TBC1D9B: variants seen among roughly 807,000 people sequenced by gnomAD.
TBC1D9B encodes TBC1 domain family member 9B.
TBC1D9B carries 87 observed loss-of-function variants against 121.1 expected under a neutral mutation model. The observed-to-expected ratio is 0.72, with a 90% CI of 0.60 to 0.86. The LOEUF (loss-of-function observed/expected upper bound fraction) is 0.86. Among genes scored for constraint, TBC1D9B ranks in the 40% least tolerant of loss-of-function variants. The probability of loss-of-function intolerance (pLI) is 0.00; values close to 1 mark genes in which losing one functional copy is unlikely to be tolerated. For synonymous variants in TBC1D9B, 668 were observed against 670.1 expected (o/e 1.00, Z 0.05); for missense variants, 1,540 against 1,628.6 (o/e 0.95, Z 0.94).
intron 17 of TBC1D9B, 108 bp from the exon 18 acceptor site, chr5:179,867,957 C>T: frequency 9.3e-7 from 1 of 1,078,930 alleles, no homozygotes; most frequent in East Asian, 2.6e-5. Flanking sequence ...GCCCACGAGC[C>T]TGGCCAGTCC....
chr5:179,880,692 C>T (rs764892999), intron 7 of TBC1D9B, among the ~76,000 whole-genome samples: 4 of 151,530 alleles, frequency 2.6e-5, no homozygotes, highest in Non-Finnish European at 4.4e-5. Flanking sequence ...CAGTGTATTG[C>T]GTATCAATTT....
In TBC1D9B at chr5:179,865,169, C is replaced by T. The variant is rs751955505; in HGVS notation, c.3021+85G>A. The T allele has an allele frequency of 1.0e-4, 134 of 1,282,614 alleles. No individual in the cohort carries two copies. The highest frequency in any genetic ancestry group is 5.2e-4 in the Admixed American group (30 of 58,056). 79.5% of individuals were successfully genotyped at this position (1,282,614 alleles called of 1,614,324 possible). On this transcript the variant is annotated intron_variant, in intron 20 of 20. Coordinates refer to ENST00000355235, the MANE Select transcript of TBC1D9B (RefSeq NM_015043.4). This position sits in a 1 kb window ranked among gnomAD's most constrained non-coding sequence, Gnocchi z 5.1. The stretch of plus-strand genomic sequence containing the variant: ...GAGCCTTCCCACCCACCAGGAGATG[C>T]TGCAGTGCAGGTGCGGTGATGTTAG...
chr5:179,905,911 G>A (rs1432723821), intron 1 of TBC1D9B, among the ~76,000 whole-genome samples: 3 of 152,002 alleles, frequency 2.0e-5, no homozygotes, highest in Non-Finnish European at 4.4e-5. Context: ...AGATAGTCTC[G>A]CTCTGTCGCC....
In TBC1D9B at chr5:179,899,317, G is replaced by C. The variant is rs778820566; in HGVS notation, c.230-10C>G. The C allele has an allele frequency of 8.1e-6, 13 of 1,608,864 alleles. No homozygotes were observed. The highest frequency in any genetic ancestry group is 1.1e-5 in the Non-Finnish European group (13 of 1,176,692). ...TCTTTGCGGGAAGAACCTAGAAGAG[G>C]TTTGGTAAAGTAAAAGAAAAATCAT... is the stretch of plus-strand genomic sequence containing the variant. On this transcript the variant is annotated splice_polypyrimidine_tract_variant and intron_variant, in intron 2 of 20. Transcript: ENST00000355235.
chr5:179,870,309 G>A lies in TBC1D9B; in HGVS notation c.2671C>T (p.Leu891=), dbSNP rs1445109719. Reference sequence around the variant, plus strand: ...ATCAGCGAGTCCTTGTTTTCGTCCAGGAGCCTGAACATGCGCCCTGCCAGC... The same window carrying A: ...ATCAGCGAGTCCTTGTTTTCGTCCAAGAGCCTGAACATGCGCCCTGCCAGC... ...PLLAGRMFRL[L]DENKDSLINF... The change falls in exon 16 of 21, where the codon CTG becomes TTG. Residue 891 remains leucine (L), a synonymous_variant. Transcript: ENST00000355235. The A allele has an allele frequency of 6.2e-7, 1 of 1,613,942 alleles. No individual in the cohort carries two copies. Among genetic ancestry groups the A allele is most frequent in the South Asian group, 1.1e-5 (1 of 91,084 alleles).
rs1246984574 is a variant in TBC1D9B at position 179,870,319 on chromosome 5, C to T, written c.2661G>A (p.Met887Ile). ...GSHTPLLAGR[M>I]FRLLDENKDS... ...CCTTGTTTTCGTCCAGGAGCCTGAA[C>T]ATGCGCCCTGCCAGCAGAGGTGTGT... Residue 887 changes from methionine to isoleucine, a missense_variant, in exon 16 of 21, where the codon ATG (methionine) becomes ATA (isoleucine). By Grantham distance (10) the Met-to-Ile change is conservative. Coordinates refer to ENST00000355235, the MANE Select transcript of TBC1D9B (RefSeq NM_015043.4). 18 of 1,613,908 alleles carry T rather than the reference C, an allele frequency of 1.1e-5. No homozygotes were observed. Among genetic ancestry groups the T allele is most frequent in the South Asian group, 2.2e-5 (2 of 91,088 alleles).
chr5:179,874,893 G>GCATGTCACCTGCCCAGCATGGT lies in TBC1D9B; in HGVS notation c.2173_2186+8dup. The GCATGTCACCTGCCCAGCATGGT allele has an allele frequency of 6.2e-7, 1 of 1,611,430 alleles. No homozygotes were observed. On this transcript the variant is annotated intron_variant, in intron 12 of 20. Transcript: ENST00000355235. The surrounding 1 kb of genome is among the most constrained non-coding windows in gnomAD (Gnocchi z 4.3). ...AGCCCCCAGCAGGAGAAGGAACCCG[G>GCATGTCACCTGCCCAGCATGGT]CATGTCACCTGCCCAGCATGGTCAT...
chr5:179,888,093 G>A lies in TBC1D9B; in HGVS notation c.1254+10C>T. 3 of 1,613,162 alleles carry A rather than the reference G, an allele frequency of 1.9e-6. No individual in the cohort carries two copies. Among genetic ancestry groups the A allele is most frequent in the Non-Finnish European group, 2.5e-6 (3 of 1,179,960 alleles). ...CAACTCGACCCTGCTGCTCCCAAGG[G>A]GCTTCTCACCTCTGTGCTAGGGTCC... On this transcript the variant is annotated intron_variant, in intron 7 of 20. Transcript: ENST00000355235.
Position 179,875,121 on chromosome 5 carries a change from T to C in TBC1D9B, c.1967A>G (p.Lys656Arg), listed in dbSNP as rs1026748922. 5.6e-6 allele frequency: 9 copies of C among 1,613,880 alleles called. No individual in the cohort carries two copies. The highest frequency in any genetic ancestry group is 6.8e-6 in the Non-Finnish European group (8 of 1,180,032). Residue 656 changes from lysine (K) to arginine (R), a missense_variant, in exon 12 of 21, where the codon AAG becomes AGG. Physicochemically the swap from Lys to Arg is conservative, Grantham distance 26. Coordinates refer to ENST00000355235, the MANE Select transcript of TBC1D9B (RefSeq NM_015043.4). The surrounding 1 kb of genome is among the most constrained non-coding windows in gnomAD (Gnocchi z 4.5). ...TRDFLPQLSE[K>R]MQDLGVISSI... ...GGAGATCACCCCCAGGTCCTGCATC[T>C]TCTCCGAGAGCTGCGGCAGGAAGTC...
At chr5:179,896,615 C>A (rs975417688) in intron 3 of TBC1D9B, among the ~76,000 whole-genome samples, 1 of 152,020 alleles carries the variant, frequency 6.6e-6, no homozygotes, top group African/African-American at 2.4e-5. Flanking sequence ...CTCTGCCTCC[C>A]GGGTTCAAGC....
Position 179,863,894 on chromosome 5 carries a change from C to T in TBC1D9B, c.3256G>A (p.Ala1086Thr), listed in dbSNP as rs769727219. The T allele has an allele frequency of 1.2e-6, 2 of 1,613,234 alleles. No individual in the cohort carries two copies. Among genetic ancestry groups the T allele is most frequent in the Non-Finnish European group, 1.7e-6 (2 of 1,179,544 alleles). ...QDAARELQPP[A>T]AGDPQAKAGG... ...GCTTTGGCTTGGGGGTCTCCTGCAGCTGGGGGCTGAAGCTCCCTGGCTGCG... is the reference window on the plus strand; with the variant it reads ...GCTTTGGCTTGGGGGTCTCCTGCAGTTGGGGGCTGAAGCTCCCTGGCTGCG... Residue 1086 changes from alanine to threonine, a missense_variant, in exon 21 of 21, where the codon GCT becomes ACT. Physicochemically the swap from Ala to Thr is moderately conservative, Grantham distance 58. Transcript: ENST00000355235. This position sits in a 1 kb window ranked among gnomAD's most constrained non-coding sequence, Gnocchi z 4.5.
chr5:179,881,089 C>T (rs984006802), intron 7 of TBC1D9B, among the ~76,000 whole-genome samples: 1 of 152,202 alleles, frequency 6.6e-6, no homozygotes, highest in South Asian at 2.1e-4. Flanking sequence ...GGGTGTGTGG[C>T]GTGCAGCCAA....
At chr5:179,877,829 T>C (rs1760404323) in intron 10 of TBC1D9B, among the ~76,000 whole-genome samples, 1 of 152,216 alleles carries the variant, frequency 6.6e-6, no homozygotes, top group South Asian at 2.1e-4. Context: ...TACTGTGTTA[T>C]TTCACTTATA....
At chr5:179,900,116 A>G (rs141807414) in intron 2 of TBC1D9B, among the ~76,000 whole-genome samples, 66 of 152,260 alleles carry the variant, frequency 4.3e-4, no homozygotes, top group African/African-American at 1.4e-3. Context: ...GCCACTCAGG[A>G]TGCTGAGGTG....
intron 13 of TBC1D9B, 42 bp from the exon 14 acceptor site, chr5:179,873,032 G>A: frequency 6.2e-7 from 1 of 1,613,764 alleles, no homozygotes; most frequent in Non-Finnish European, 8.5e-7. Context: ...CCAACTGCAG[G>A]GCAGAGGGCC....
intron 7 of TBC1D9B, among the ~76,000 whole-genome samples, chr5:179,881,012 G>A (rs10054440): frequency 0.019 from 2,927 of 152,252 alleles, 62 homozygotes; most frequent in African/African-American, 0.06. Context: ...CAGGGAAGGA[G>A]CCACACCGCC....
chr5:179,898,372 C>A lies in TBC1D9B; in HGVS notation c.348+817G>T, dbSNP rs755561490. On this transcript the variant is annotated intron_variant, in intron 3 of 20. Transcript: ENST00000355235. The stretch of plus-strand genomic sequence containing the variant: ...GTTTCACTGTGTTAGCCAGGATGGT[C>A]GCGATCTCCTAACCTCGTGATCTGC... 1.4e-4 allele frequency among the ~76,000 whole-genome samples: 21 copies of A among 152,056 alleles called. No homozygotes were observed. In the East Asian group the frequency reaches 3.7e-3, roughly 27 times the overall value.
rs527861013 is a variant in TBC1D9B at position 179,885,588 on chromosome 5, C to G, written c.1254+2515G>C. On this transcript the variant is annotated intron_variant, in intron 7 of 20. Transcript: ENST00000355235. The surrounding 1 kb of genome is among the most constrained non-coding windows in gnomAD (Gnocchi z 4.5). ...TAGGTGACAGAGCAAGACTCTGTCC[C>G]CCCCCCAAAAAAAAAAAGATGGAGG... 8.0e-6 allele frequency among the ~76,000 whole-genome samples: 1 copy of G among 124,858 alleles called. No individual in the cohort carries two copies. Among genetic ancestry groups the G allele is most frequent in the South Asian group, 3.2e-4 (1 of 3,150 alleles). The allele number at this position is 124,858 out of a possible 152,430, so 81.9% of individuals were successfully genotyped here.
Position 179,904,465 on chromosome 5 carries a change from T to G in TBC1D9B, c.229+237A>C, listed in dbSNP as rs1372894632. Among the ~76,000 whole-genome samples the G allele has an allele frequency of 6.6e-6, 1 of 152,076 alleles. No homozygotes were observed. The highest frequency in any genetic ancestry group is 1.5e-5 in the Non-Finnish European group (1 of 67,982). The stretch of plus-strand genomic sequence containing the variant: ...TGGTCTCGATCTCCTGACCTCGTGA[T>G]CAGCCCGCCTCGGCCTCCCAAAGTG... On this transcript the variant is annotated intron_variant, in intron 2 of 20. Coordinates refer to ENST00000355235, the MANE Select transcript of TBC1D9B (RefSeq NM_015043.4). This position sits in a 1 kb window ranked among gnomAD's most constrained non-coding sequence, Gnocchi z 4.2.
Sources: allele counts gnomAD v4.1 joint callset (sites outside exome capture counted in the v4.1 genomes callset), GRCh38; gene constraint gnomAD v4.1.1; non-coding constraint Gnocchi (gnomAD v3.1); transcripts MANE v1.5; gene names NCBI Gene and HGNC (gene_info 2026-07-23, HGNC 2026-07-21).